THADA: variants seen among roughly 807,000 people sequenced by gnomAD.
THADA encodes tRNA (32-2'-O)-methyltransferase regulator THADA.
In THADA, 213 loss-of-function variants were observed where a neutral mutation model predicts 219.8. The observed-to-expected ratio is 0.97, with a 90% CI of 0.87 to 1.09. The LOEUF (loss-of-function observed/expected upper bound fraction) is 1.09. Ranked by LOEUF, THADA falls within the 50% of genes least tolerant of loss-of-function variation. THADA has a pLI of 0.00. For synonymous variants in THADA, 1,018 were observed against 828.9 expected, an observed-to-expected ratio of 1.23 and a Z score of -3.92; for missense variants, 2,956 against 2,311.3, an observed-to-expected ratio of 1.28 and a Z score of -5.72.
At chr2:43,483,203 C>T (rs1355267705) in intron 26 of THADA, among the ~76,000 whole-genome samples, 1 of 152,084 alleles carries the variant, frequency 6.6e-6, no homozygotes, top group Non-Finnish European at 1.5e-5. Flanking sequence ...GGATAAGTAA[C>T]CAACCAAGAT....
intron 31 of THADA, among the ~76,000 whole-genome samples, chr2:43,310,360 T>C (rs1042756776): frequency 1.3e-5 from 2 of 151,868 alleles, no homozygotes; most frequent in African/African-American, 4.8e-5. Flanking sequence ...GTAATGATAA[T>C]CAAGACAGTG....
chr2:43,297,447 TGG>T (rs1287659356), intron 31 of THADA, among the ~76,000 whole-genome samples: 4 of 60,858 alleles, frequency 6.6e-5, no homozygotes, highest in South Asian at 7.7e-4. Flanking sequence ...GGGAGGGAGG[TGG>T]GGGGGGGTCA....
Position 43,574,492 on chromosome 2 carries a change from T to G in THADA, c.1573A>C (p.Thr525Pro), listed in dbSNP as rs1413929856. The change falls in exon 11 of 38, where the codon ACT (threonine) becomes CCT (proline). Residue 525 changes from threonine (T) to proline (P), a missense_variant. Coordinates refer to ENST00000405975, the MANE Select transcript of THADA (RefSeq NM_022065.5). Reference sequence around the variant, plus strand: ...ATAAAAAGGAGAGGAGAAACCCAAGTCTCATGCCACTGGTCAATCCAAGAA... The same window carrying G: ...ATAAAAAGGAGAGGAGAAACCCAAGGCTCATGCCACTGGTCAATCCAAGAA... ...ESSWIDQWHE[T>P]WVSPLLFILC... The G allele has an allele frequency of 6.2e-7, 1 of 1,613,900 alleles. No individual in the cohort carries two copies. The highest frequency in any genetic ancestry group is 2.2e-5 in the East Asian group (1 of 44,860).
chr2:43,260,582 CTTGA>C (rs1345794550), intron 36 of THADA, among the ~76,000 whole-genome samples: 2 of 152,156 alleles, frequency 1.3e-5, no homozygotes, highest in African/African-American at 4.8e-5. Context: ...CTACTGAAAT[CTTGA>C]TTGTGTTTTC....
rs1044512412 is a variant in THADA, at chr2:43,432,687, T to C, written c.3837-2385A>G. On this transcript the variant is annotated intron_variant, in intron 26 of 37. Transcript: ENST00000405975. ...TCTACAGTCCTTTGAACATTTGCTG[T>C]TGTTTTGTTTTTCCTTCCTTTGTAG... 5.3e-5 allele frequency among the ~76,000 whole-genome samples: 8 copies of C among 152,288 alleles called. No homozygotes were observed. The East Asian group carries it at 9.6e-4, about 18-fold the overall frequency.
intron 21 of THADA, among the ~76,000 whole-genome samples, chr2:43,535,168 CTT>C (rs549879408): frequency 0.013 from 686 of 52,476 alleles, 1 homozygote; most frequent in Non-Finnish European, 0.019. Context: ...ATCATTTGTC[CTT>C]TTTTTTTTTT....
chr2:43,273,490 T>G (rs573649095), intron 36 of THADA, among the ~76,000 whole-genome samples: 64 of 152,284 alleles, frequency 4.2e-4, no homozygotes, highest in African/African-American at 1.5e-3. Flanking sequence ...AAGGGCACTT[T>G]GAAGGCGATA....
At chr2:43,323,469 C>T (rs951684022) in intron 30 of THADA, among the ~76,000 whole-genome samples, 1 of 152,172 alleles carries the variant, frequency 6.6e-6, no homozygotes, top group African/African-American at 2.4e-5. Flanking sequence ...AGCCCACAGT[C>T]TATAAAAACT....
chr2:43,380,348 G>A (rs1671853596), intron 29 of THADA, among the ~76,000 whole-genome samples: 2 of 152,166 alleles, frequency 1.3e-5, no homozygotes, highest in Non-Finnish European at 2.9e-5. Context: ...TCTCCCACTA[G>A]TATGGGTTAA....
At position 43,583,042 on chromosome 2, in the gene THADA, G is replaced by A. The variant is rs547295060; in HGVS notation, c.534-1114C>T. On this transcript the variant is annotated intron_variant, in intron 7 of 37. Transcript: ENST00000405975. ...TCTCCATCTAATTCTCTCCTTTGCT[G>A]ATCTCTTTTAGCTCATCAGCTTTAA... Among the ~76,000 whole-genome samples the A allele has an allele frequency of 1.9e-3, 285 of 152,152 alleles. 3 individuals carry two copies. Among genetic ancestry groups the A allele is most frequent in the African/African-American group, 6.5e-3 (270 of 41,472 alleles).
At chr2:43,519,847 C>A (rs987939855) in intron 22 of THADA, among the ~76,000 whole-genome samples, 2 of 152,158 alleles carry the variant, frequency 1.3e-5, no homozygotes, top group African/African-American at 4.8e-5. Flanking sequence ...TAAGTCTTCT[C>A]AATAGTGAGG....
In THADA at chr2:43,347,575, T is replaced by C. The variant is rs576775125; in HGVS notation, c.4228-3338A>G. Among the ~76,000 whole-genome samples, 6 of 152,330 alleles carry C rather than the reference T, an allele frequency of 3.9e-5. No homozygotes were observed. The South Asian group carries it at 1.2e-3, about 32-fold the overall frequency. ...ACTTTAGTTAATAATAATGTGTAAA[T>C]ACTGCTTCATTAATTGTAACAAATG... On this transcript the variant is annotated intron_variant, in intron 29 of 37. Transcript: ENST00000405975.
Position 43,556,376 on chromosome 2 carries a change from A to C in THADA, c.2643T>G (p.Pro881=), listed in dbSNP as rs1341237698. 1.9e-6 allele frequency: 3 copies of C among 1,613,778 alleles called. No homozygotes were observed. In the Admixed American group the frequency reaches 5.0e-5, roughly 27 times the overall value. The change falls in exon 17 of 38, where the codon CCT becomes CCG. Residue 881 remains proline, a synonymous_variant. Transcript: ENST00000405975. ...ATGTGTTCCTTTCCACCACAGCAGC[A>C]GGCCTATCTCCATTATCACATGCAA... ...QQVACDNGDR[P]AAVVERNTLM...
At chr2:43,440,007 T>C (rs977390495) in intron 26 of THADA, among the ~76,000 whole-genome samples, 4 of 152,236 alleles carry the variant, frequency 2.6e-5, no homozygotes, top group South Asian at 2.1e-4. Context: ...GTTCATTTCC[T>C]TTTTTATTTA....
chr2:43,446,628 C>T (rs911414505), intron 26 of THADA, among the ~76,000 whole-genome samples: 1 of 152,212 alleles, frequency 6.6e-6, no homozygotes, highest in Non-Finnish European at 1.5e-5. Flanking sequence ...GCTAAACCCG[C>T]CTGCCACACA....
intron 29 of THADA, among the ~76,000 whole-genome samples, chr2:43,395,286 CTCA>C (rs1417478010): frequency 1.3e-5 from 2 of 152,228 alleles, no homozygotes; most frequent in East Asian, 3.8e-4. Context: ...TTCTATATTC[CTCA>C]TCATTCCAGC....
chr2:43,538,674 G>A (rs1023255250), intron 21 of THADA: 12 of 152,166 alleles, frequency 7.9e-5, no homozygotes, highest in African/African-American at 2.9e-4. Context: ...GAGAAGAACT[G>A]GGTTCCTGTT....
chr2:43,535,682 A>G (rs1179369876), intron 21 of THADA, among the ~76,000 whole-genome samples: 1 of 150,566 alleles, frequency 6.6e-6, no homozygotes, highest in East Asian at 1.9e-4. Flanking sequence ...ACTCAAAAAA[A>G]AAAAAAAAAA....
chr2:43,244,184 T>C (rs1668900322), intron 36 of THADA, among the ~76,000 whole-genome samples: 1 of 152,288 alleles, frequency 6.6e-6, no homozygotes, highest in South Asian at 2.1e-4. Context: ...AAATAAGCAA[T>C]TCATAAGAGT....
Sources: allele counts gnomAD v4.1 joint callset (sites outside exome capture counted in the v4.1 genomes callset), GRCh38; gene constraint gnomAD v4.1.1; transcripts MANE v1.5; gene names NCBI Gene and HGNC (gene_info 2026-07-23, HGNC 2026-07-21).